The following CSMD1 variants were observed in gnomAD, a reference collection of about 807,000 sequenced individuals.
CSMD1 encodes the protein CUB and Sushi multiple domains 1.
Under a neutral mutation model 417.5 loss-of-function variants are expected in CSMD1, and 213 were observed. That is an observed-to-expected ratio of 0.51 (90% confidence interval 0.46 to 0.57). The LOEUF is 0.57. CSMD1 is among the 20% of genes least tolerant of loss of function. CSMD1 has a pLI of 0.00. For synonymous variants in CSMD1, 2,862 were observed against 1,736.8 expected (o/e 1.65, Z -16.11); for missense variants, 6,923 against 4,529.7 (o/e 1.53, Z -15.17).
At chr8:4,188,582 G>A (rs999103391) in intron 3 of CSMD1, among the ~76,000 whole-genome samples, 53 of 151,976 alleles carry the variant, frequency 3.5e-4, no homozygotes, top group Non-Finnish European at 5.7e-4. Flanking sequence ...CAACTGACGC[G>A]CCCTACAGTT....
At chr8:4,061,299 A>C (rs552255528) in intron 3 of CSMD1, among the ~76,000 whole-genome samples, 2 of 152,196 alleles carry the variant, frequency 1.3e-5, no homozygotes, top group Non-Finnish European at 2.9e-5. Context: ...ACATCTTATC[A>C]TACAAGAATT....
intron 7 of CSMD1, among the ~76,000 whole-genome samples, chr8:3,637,556 C>A (rs1176462975): frequency 1.3e-5 from 2 of 151,990 alleles, no homozygotes; most frequent in Non-Finnish European, 2.9e-5. Flanking sequence ...TTGCTTTTTT[C>A]CTATTTTTTA....
At chr8:3,735,506 G>A (rs982262360) in intron 6 of CSMD1, among the ~76,000 whole-genome samples, 3 of 152,186 alleles carry the variant, frequency 2.0e-5, no homozygotes, top group African/African-American at 7.2e-5. Context: ...CTGTGTATTA[G>A]CTACTGATTC....
chr8:4,901,410 T>C (rs78142563), intron 1 of CSMD1, among the ~76,000 whole-genome samples: 3,970 of 152,312 alleles, frequency 0.026, 187 homozygotes, highest in African/African-American at 0.089. Flanking sequence ...AAGCAGCTCA[T>C]TGCTTCTTCC....
At chr8:4,629,963 G>A (rs1162914525) in intron 2 of CSMD1, among the ~76,000 whole-genome samples, 1 of 151,972 alleles carries the variant, frequency 6.6e-6, no homozygotes, top group Non-Finnish European at 1.5e-5. Context: ...CGCAATATTT[G>A]AATACTTTTC....
chr8:4,637,334 T>C lies in CSMD1; in HGVS notation c.302+8A>G, dbSNP rs1275041818. ...TGCTAACTGTAATATAAAAAGTTGATACCTTACCTCACTTTTAAATTCCCT... is the reference window on the plus strand; with the variant it reads ...TGCTAACTGTAATATAAAAAGTTGACACCTTACCTCACTTTTAAATTCCCT... On this transcript the variant is annotated splice_region_variant and intron_variant, in intron 2 of 69. Coordinates refer to ENST00000635120, the MANE Select transcript of CSMD1 (RefSeq NM_033225.6). The C allele has an allele frequency of 1.3e-5, 20 of 1,597,236 alleles. No individual in the cohort carries two copies. Among genetic ancestry groups the C allele is most frequent in the Non-Finnish European group, 1.7e-5 (20 of 1,164,988 alleles).
At chr8:4,495,358 G>T (rs576080812) in intron 2 of CSMD1, among the ~76,000 whole-genome samples, 1 of 152,132 alleles carries the variant, frequency 6.6e-6, no homozygotes. Flanking sequence ...GGCGGATCAC[G>T]AAGTCAAGGG....
chr8:4,471,440 C>T (rs372360355), intron 2 of CSMD1, among the ~76,000 whole-genome samples: 3 of 152,180 alleles, frequency 2.0e-5, no homozygotes, highest in African/African-American at 7.2e-5. Flanking sequence ...ACGTAGCTGT[C>T]AGCAAGCCTC....
At chr8:3,641,319 C>T (rs887681899) in intron 7 of CSMD1, among the ~76,000 whole-genome samples, 1 of 152,042 alleles carries the variant, frequency 6.6e-6, no homozygotes, top group Admixed American at 6.6e-5. Context: ...ACGGGTGAGT[C>T]ACTAGCAATG....
intron 40 of CSMD1, among the ~76,000 whole-genome samples, chr8:3,146,825 C>G (rs1052991493): frequency 3.9e-5 from 6 of 152,152 alleles, no homozygotes; most frequent in African/African-American, 1.4e-4. Context: ...GTGGCTCGAT[C>G]CATGGGAATG....
intron 5 of CSMD1, among the ~76,000 whole-genome samples, chr8:3,980,511 A>T (rs1037830530): frequency 6.6e-6 from 1 of 150,460 alleles, no homozygotes; most frequent in Non-Finnish European, 1.5e-5. Context: ...CTCTGCTTCT[A>T]TGTTGTTTAT....
At chr8:4,088,496 CTTCT>C (rs1329994101) in intron 3 of CSMD1, among the ~76,000 whole-genome samples, 4 of 152,196 alleles carry the variant, frequency 2.6e-5, no homozygotes, top group African/African-American at 7.2e-5. Flanking sequence ...TATCCATCTT[CTTCT>C]TTGTTTTCAA....
intron 7 of CSMD1, among the ~76,000 whole-genome samples, chr8:3,701,403 C>T (rs545991816): frequency 1.9e-4 from 29 of 152,122 alleles, no homozygotes; most frequent in East Asian, 1.9e-4. Flanking sequence ...AGAACAGTTG[C>T]GAAAGTCTGT....
At chr8:3,658,466 G>GTATATATATA (rs60906631) in intron 7 of CSMD1, among the ~76,000 whole-genome samples, 46 of 145,696 alleles carry the variant, frequency 3.2e-4, no homozygotes, top group East Asian at 2.8e-3. Flanking sequence ...TATATATTGT[G>GTATATATATA]TATATATATA....
At chr8:4,979,162 A>G (rs1188477894) in intron 1 of CSMD1, among the ~76,000 whole-genome samples, 1 of 152,304 alleles carries the variant, frequency 6.6e-6, no homozygotes, top group South Asian at 2.1e-4. Context: ...AATTTCATGT[A>G]CAAGTTCAAA....
rs112396717 is a variant in CSMD1, at chr8:4,787,762, T to C, written c.86-150204A>G. On this transcript the variant is annotated intron_variant, in intron 1 of 69. Transcript: ENST00000635120. Reference sequence around the variant, plus strand: ...GGAACAGCTGATTGCTGCAAAATTTTGCTTCGCTGGACTTGTTACAGGCCA... The same window carrying C: ...GGAACAGCTGATTGCTGCAAAATTTCGCTTCGCTGGACTTGTTACAGGCCA... 6.9e-4 allele frequency: 1,091 copies of C among 1,584,222 alleles called. 4 individuals are homozygous for C. The African/African-American group carries it at 0.012, about 17-fold the overall frequency.
chr8:4,873,627 A>G (rs1358237876), intron 1 of CSMD1, among the ~76,000 whole-genome samples: 2 of 152,124 alleles, frequency 1.3e-5, no homozygotes, highest in African/African-American at 2.4e-5. Flanking sequence ...CAATCGATCA[A>G]TGTTCATTCC....
rs928850606 is a variant in CSMD1, at chr8:3,073,533, C to T, written c.7474+13564G>A. ...AAGCTACAGATTAGAAAATTAGTAG[C>T]TCTATGTATAAATGAAATCATTCAA... On this transcript the variant is annotated intron_variant, in intron 49 of 69. Transcript: ENST00000635120. Among the ~76,000 whole-genome samples the T allele has an allele frequency of 9.3e-4, 142 of 152,128 alleles. 1 individual carries two copies. Among genetic ancestry groups the T allele is most frequent in the Admixed American group, 9.2e-3 (140 of 15,264 alleles).
At chr8:3,950,787 A>G (rs1811549230) in intron 5 of CSMD1, among the ~76,000 whole-genome samples, 1 of 152,198 alleles carries the variant, frequency 6.6e-6, no homozygotes, top group African/African-American at 2.4e-5. Context: ...TACATGGTAT[A>G]AACATATTCT....
Sources: gnomAD v4.1 joint callset for allele counts (sites outside exome capture counted in the v4.1 genomes callset) on GRCh38, gnomAD v4.1.1 for gene constraint, MANE v1.5 for transcripts, NCBI Gene and HGNC (gene_info 2026-07-23, HGNC 2026-07-21) for gene names.